Variants in YAF2 observed in about 807,000 individuals in gnomAD.
The protein encoded by YAF2 is YY1-associated factor 2.
In YAF2, 7 loss-of-function variants were observed where a neutral mutation model predicts 20.1. That is an observed-to-expected ratio of 0.35 (90% CI 0.20 to 0.65). The LOEUF (loss-of-function observed/expected upper bound fraction) is 0.65. Ranked by LOEUF, YAF2 falls within the 30% of genes least tolerant of loss-of-function variation. The pLI is 0.69. For missense variants in YAF2, 151 were observed against 219.2 expected (o/e 0.69, Z 1.96); for synonymous variants, 74 against 76.0 (o/e 0.97, Z 0.14).
intron 2 of YAF2, among the ~76,000 whole-genome samples, chr12:42,169,939 C>A (rs2066005014): frequency 1.3e-5 from 2 of 151,906 alleles, no homozygotes; most frequent in South Asian, 4.2e-4. Context: ...GGTACAATCA[C>A]AACTCACTAC....
chr12:42,203,023 T>C (rs1435991981), intron 2 of YAF2, among the ~76,000 whole-genome samples: 1 of 151,980 alleles, frequency 6.6e-6, no homozygotes, highest in Non-Finnish European at 1.5e-5. Context: ...ACTATCTTGG[T>C]TATTCTTGAA....
intron 2 of YAF2, among the ~76,000 whole-genome samples, chr12:42,236,494 A>C (rs574417872): frequency 5.3e-4 from 81 of 152,364 alleles, no homozygotes; most frequent in African/African-American, 1.7e-3. Context: ...AGCGAGCTTC[A>C]CTGAGAAATT....
chr12:42,195,282 G>A (rs1243866509), intron 2 of YAF2, among the ~76,000 whole-genome samples: 1 of 152,140 alleles, frequency 6.6e-6, no homozygotes, highest in East Asian at 1.9e-4. Context: ...TATTTTAGCT[G>A]GCAATATACT....
At chr12:42,211,778 G>A (rs1187880755) in intron 2 of YAF2, among the ~76,000 whole-genome samples, 2 of 151,464 alleles carry the variant, frequency 1.3e-5, no homozygotes, top group South Asian at 2.1e-4. Flanking sequence ...GCCAGGCACG[G>A]TGGCTTGCAC....
intron 2 of YAF2, among the ~76,000 whole-genome samples, chr12:42,213,830 T>C (rs2067278619): frequency 6.6e-6 from 1 of 152,154 alleles, no homozygotes; most frequent in Admixed American, 6.6e-5. Flanking sequence ...AACAGTAAGG[T>C]ACAAACTCAT....
At chr12:42,231,742 A>G (rs567760842) in intron 2 of YAF2, 1 of 152,336 alleles carries the variant, frequency 6.6e-6, no homozygotes, top group African/African-American at 2.4e-5. Flanking sequence ...TACCACCACT[A>G]ATCTTCTCAG....
At chr12:42,189,161 A>G (rs957471787) in intron 2 of YAF2, among the ~76,000 whole-genome samples, 1 of 152,204 alleles carries the variant, frequency 6.6e-6, no homozygotes, top group Non-Finnish European at 1.5e-5. Flanking sequence ...CACCATCTCA[A>G]GAAGATGTAT....
rs76029084 is a variant in YAF2 at position 42,161,369 on chromosome 12, C to T, written c.305+244G>A. On this transcript the variant is annotated intron_variant, in intron 3 of 3. Coordinates refer to ENST00000534854, the MANE Select transcript of YAF2 (RefSeq NM_005748.6). ...AAAAACAAAACAAAACAAAACAAAT[C>T]CAGACACAAATGTCTTCCAATCTCG... is the stretch of plus-strand genomic sequence containing the variant. 1,857 of 351,068 alleles carry T rather than the reference C, an allele frequency of 5.3e-3. 34 individuals carry two copies. The highest frequency in any genetic ancestry group is 0.037 in the African/African-American group (1,727 of 46,462). 21.7% of individuals were successfully genotyped at this position (351,068 alleles called of 1,614,324 possible).
chr12:42,212,437 T>C (rs970080441), intron 2 of YAF2: 2 of 447,586 alleles, frequency 4.5e-6, no homozygotes, highest in African/African-American at 4.0e-5. Context: ...TGCTTCTAAA[T>C]AATCACCTCC....
chr12:42,180,379 C>T (rs2066312412), intron 2 of YAF2, among the ~76,000 whole-genome samples: 1 of 152,138 alleles, frequency 6.6e-6, no homozygotes, highest in African/African-American at 2.4e-5. Context: ...GTCCTAGGTC[C>T]AACTGCCAGC....
intron 2 of YAF2, among the ~76,000 whole-genome samples, chr12:42,176,570 C>T (rs1488608276): frequency 6.6e-6 from 1 of 152,180 alleles, no homozygotes; most frequent in Admixed American, 6.5e-5. Flanking sequence ...ATACTCACAT[C>T]TAAGTCACCA....
chr12:42,184,796 G>A (rs2066429594), intron 2 of YAF2, among the ~76,000 whole-genome samples: 1 of 152,192 alleles, frequency 6.6e-6, no homozygotes, highest in African/African-American at 2.4e-5. Context: ...GGAGTTTGGT[G>A]GAAGTTGATG....
chr12:42,235,278 A>G, intron 2 of YAF2: 1 of 998,744 alleles, frequency 1.0e-6, no homozygotes, highest in Non-Finnish European at 1.2e-6. Flanking sequence ...CTGTTCATTA[A>G]TAAGTCAATT....
intron 2 of YAF2, among the ~76,000 whole-genome samples, chr12:42,204,822 A>C (rs960004060): frequency 1.3e-5 from 2 of 152,216 alleles, no homozygotes; most frequent in Non-Finnish European, 2.9e-5. Context: ...AATCCCTCCC[A>C]AAACACATGT....
intron 2 of YAF2, chr12:42,235,841 T>TCC (rs1489052632): frequency 9.8e-6 from 15 of 1,536,058 alleles, no homozygotes; most frequent in Non-Finnish European, 1.0e-5. Context: ...CTGGGCCAAC[T>TCC]CCCCTGTGTA....
intron 2 of YAF2, among the ~76,000 whole-genome samples, chr12:42,227,688 A>C (rs1296984100): frequency 2.8e-5 from 4 of 142,540 alleles, no homozygotes; most frequent in Admixed American, 6.9e-5. Context: ...CCCGGCAGCC[A>C]CCCCATCTGG....
At chr12:42,162,969 G>A (rs1438975601) in intron 2 of YAF2, among the ~76,000 whole-genome samples, 1 of 152,140 alleles carries the variant, frequency 6.6e-6, no homozygotes, top group Admixed American at 6.5e-5. Context: ...GGTAGTTAAT[G>A]GCTGAGGTTA....
At chr12:42,195,609 G>C (rs955331230) in intron 2 of YAF2, among the ~76,000 whole-genome samples, 2 of 152,168 alleles carry the variant, frequency 1.3e-5, no homozygotes, top group African/African-American at 4.8e-5. Flanking sequence ...AAAGAGCTTA[G>C]AGAAATGAGT....
intron 2 of YAF2, among the ~76,000 whole-genome samples, chr12:42,228,265 CCGCGCCAGCCG>C (rs1343751691): frequency 2.5e-5 from 2 of 79,872 alleles, no homozygotes; most frequent in Non-Finnish European, 4.7e-5. Flanking sequence ...GGCCCCCCGC[CCGCGCCAGCCG>C]CCCCGTCCGG....
Sources: gnomAD v4.1 joint callset for allele counts (sites outside exome capture counted in the v4.1 genomes callset) on GRCh38, gnomAD v4.1.1 for gene constraint, MANE v1.5 for transcripts, NCBI Gene and HGNC (gene_info 2026-07-23, HGNC 2026-07-21) for gene names.